The following NTM variants were observed in gnomAD, a reference collection of about 807,000 sequenced individuals.
NTM encodes the protein IgLON family member 2.
NTM carries 13 observed loss-of-function variants against 42.1 expected under a neutral mutation model. That is an observed-to-expected ratio of 0.31 (90% CI 0.20 to 0.49). NTM has a LOEUF of 0.49. Ranked by LOEUF, NTM falls within the 20% of genes least tolerant of loss-of-function variation. The pLI is 0.99. For missense variants in NTM, 373 were observed against 452.8 expected, an observed-to-expected ratio of 0.82 and a Z score of 1.60; for synonymous variants, 187 against 179.2, an observed-to-expected ratio of 1.04 and a Z score of -0.35.
At chr11:132,259,188 C>T (rs2092692488) in intron 4 of NTM, among the ~76,000 whole-genome samples, 1 of 151,772 alleles carries the variant, frequency 6.6e-6, no homozygotes, top group Admixed American at 6.6e-5. Flanking sequence ...ATCATGCTTT[C>T]AAAATAGTTG....
At chr11:131,766,341 G>C (rs1757230764) in intron 1 of NTM, among the ~76,000 whole-genome samples, 1 of 152,158 alleles carries the variant, frequency 6.6e-6, no homozygotes, top group Non-Finnish European at 1.5e-5. Context: ...GGGTGTTCGG[G>C]GATCAGGGGC....
chr11:131,673,405 C>G (rs2070767903), intron 1 of NTM, among the ~76,000 whole-genome samples: 1 of 152,128 alleles, frequency 6.6e-6, no homozygotes, highest in African/African-American at 2.4e-5. Context: ...GATCACAGGG[C>G]CCTTTCTGCC....
At chr11:132,006,301 A>T (rs2135369033) in intron 2 of NTM, among the ~76,000 whole-genome samples, 1 of 152,288 alleles carries the variant, frequency 6.6e-6, no homozygotes, top group South Asian at 2.1e-4. Context: ...GATTTAACAG[A>T]AACAGTTTTA....
At chr11:131,808,266 A>G (rs978029316) in intron 1 of NTM, among the ~76,000 whole-genome samples, 1 of 152,264 alleles carries the variant, frequency 6.6e-6, no homozygotes, top group Non-Finnish European at 1.5e-5. Context: ...CAAAGTTTGC[A>G]CAGGGTCCTA....
chr11:131,657,217 G>T (rs1362047264), intron 1 of NTM, among the ~76,000 whole-genome samples: 2 of 151,936 alleles, frequency 1.3e-5, no homozygotes, highest in Non-Finnish European at 2.9e-5. Context: ...AGCATCAAGC[G>T]CTGGCCCAGT....
intron 2 of NTM, among the ~76,000 whole-genome samples, chr11:132,060,701 T>G (rs2080520509): frequency 6.6e-6 from 1 of 152,212 alleles, no homozygotes; most frequent in Non-Finnish European, 1.5e-5. Flanking sequence ...GGATTTGCAA[T>G]CTCTGTGCGG....
chr11:131,633,943 C>T (rs574432593), intron 1 of NTM, among the ~76,000 whole-genome samples: 62 of 152,136 alleles, frequency 4.1e-4, no homozygotes, highest in African/African-American at 1.1e-3. Flanking sequence ...TGGTATATTA[C>T]GCTCAGACAA....
chr11:131,714,779 G>A (rs2077518012), intron 1 of NTM, among the ~76,000 whole-genome samples: 1 of 152,126 alleles, frequency 6.6e-6, no homozygotes, highest in Admixed American at 6.6e-5. Flanking sequence ...TTTACCGAGT[G>A]TCATCCATGC....
intron 4 of NTM, among the ~76,000 whole-genome samples, chr11:132,219,912 T>G (rs750061018): frequency 3.3e-5 from 5 of 152,188 alleles, no homozygotes; most frequent in Non-Finnish European, 7.4e-5. Flanking sequence ...AAAGCTCAAC[T>G]CAGTCCATTG....
At chr11:131,741,826 A>C (rs2081239968) in intron 1 of NTM, among the ~76,000 whole-genome samples, 1 of 152,206 alleles carries the variant, frequency 6.6e-6, no homozygotes. Flanking sequence ...AATCAACCTA[A>C]ACGTCCATCA....
At chr11:132,334,880 T>A (rs1825691876) in intron 8 of NTM, 166 bp from the exon 9 acceptor site, 1 of 664,794 alleles carries the variant, frequency 1.5e-6, no homozygotes, top group Non-Finnish European at 1.9e-6. Flanking sequence ...CTTGGGGATG[T>A]GGGCCATAGA....
At position 132,146,193 on chromosome 11, in the gene NTM, A is replaced by C; in HGVS notation, c.168-89A>C. On this transcript the variant is annotated intron_variant, in intron 2 of 8. Transcript: ENST00000683400. The surrounding 1 kb of genome is among the most constrained non-coding windows in gnomAD (Gnocchi z 4.5). The stretch of plus-strand genomic sequence containing the variant: ...TGTGTTGGGGGAAGGGAGAAAGACA[A>C]GATATTCTAGCCTTGCCATGAGGAC... 2 of 1,531,892 alleles carry C rather than the reference A, an allele frequency of 1.3e-6. No individual in the cohort carries two copies. The highest frequency in any genetic ancestry group is 1.8e-6 in the Non-Finnish European group (2 of 1,136,134). The allele number at this position is 1,531,892 out of a possible 1,614,324, so 94.9% of individuals were successfully genotyped here.
intron 2 of NTM, among the ~76,000 whole-genome samples, chr11:131,960,372 T>A (rs1223483253): frequency 1.3e-5 from 2 of 152,192 alleles, no homozygotes; most frequent in African/African-American, 4.8e-5. Flanking sequence ...TAACCCCTGT[T>A]TTTGAGGGAC....
At chr11:131,835,605 T>C (rs943748402) in intron 1 of NTM, among the ~76,000 whole-genome samples, 8 of 152,116 alleles carry the variant, frequency 5.3e-5, no homozygotes, top group African/African-American at 1.9e-4. Context: ...CTGGTGAAGA[T>C]GTGAATTAAC....
intron 1 of NTM, among the ~76,000 whole-genome samples, chr11:131,431,414 G>A (rs916135344): frequency 3.9e-5 from 6 of 152,166 alleles, no homozygotes; most frequent in Non-Finnish European, 7.3e-5. Context: ...CAGATGATGA[G>A]ATAAAAAGAT....
chr11:132,270,267 G>A (rs558577767), intron 4 of NTM, among the ~76,000 whole-genome samples: 2 of 151,988 alleles, frequency 1.3e-5, no homozygotes, highest in African/African-American at 2.4e-5. Flanking sequence ...AATCTCTCTC[G>A]TTTGCCCAGG....
intron 2 of NTM, among the ~76,000 whole-genome samples, chr11:131,996,987 C>G (rs1442108601): frequency 6.6e-6 from 1 of 152,206 alleles, no homozygotes; most frequent in Non-Finnish European, 1.5e-5. Context: ...CCAGCCTGGA[C>G]AACCCATAGC....
chr11:131,450,731 T>C (rs1273399950), intron 1 of NTM, among the ~76,000 whole-genome samples: 3 of 152,218 alleles, frequency 2.0e-5, no homozygotes, highest in South Asian at 2.1e-4. Flanking sequence ...TGGTTCTTAA[T>C]AGAGATTATA....
At chr11:132,024,026 A>G (rs578122551) in intron 2 of NTM, among the ~76,000 whole-genome samples, 3 of 151,680 alleles carry the variant, frequency 2.0e-5, no homozygotes, top group Admixed American at 6.6e-5. Flanking sequence ...TCACCATGTT[A>G]GCCAGGAGGT....
Sources: gnomAD v4.1 joint callset for allele counts (sites outside exome capture counted in the v4.1 genomes callset) on GRCh38, gnomAD v4.1.1 for gene constraint, Gnocchi (gnomAD v3.1) non-coding constraint, MANE v1.5 for transcripts, NCBI Gene and HGNC (gene_info 2026-07-23, HGNC 2026-07-21) for gene names.